DMXL1: variants seen among roughly 807,000 people sequenced by gnomAD.
The protein encoded by DMXL1 is dmX-like protein 1.
DMXL1 carries 99 observed loss-of-function variants against 319.2 expected under a neutral mutation model. The ratio of observed to expected loss-of-function variants is 0.31; its 90% CI spans 0.26 to 0.37. DMXL1 has a LOEUF of 0.37. DMXL1 is among the 10% of genes least tolerant of loss of function. The pLI, the probability that DMXL1 is intolerant of heterozygous loss-of-function variation, is 1.00. For synonymous variants in DMXL1, 1,385 were observed against 1,235.2 expected, an observed-to-expected ratio of 1.12 and a Z score of -2.54; for missense variants, 3,745 against 3,595.6, an observed-to-expected ratio of 1.04 and a Z score of -1.06.
intron 37 of DMXL1, among the ~76,000 whole-genome samples, chr5:119,223,877 C>G (rs1014850551): frequency 1.3e-5 from 2 of 152,082 alleles, no homozygotes; most frequent in African/African-American, 4.8e-5. Flanking sequence ...AAACAGAAGT[C>G]ATATGCAGCA....
Position 119,171,064 on chromosome 5 carries a change from A to G in DMXL1, c.6273A>G (p.Glu2091=), listed in dbSNP as rs904213529. ...EELQSAFGRN[E]DEFGLNEDAE... The stretch of plus-strand genomic sequence containing the variant: ...TACAGTCTGCATTTGGCAGAAATGA[A>G]GATGAATTTGGATTAAATGAGGATG... The change falls in exon 24 of 44, where the codon GAA becomes GAG. Residue 2091 remains glutamate (E), a synonymous_variant. Transcript: ENST00000539542. The G allele has an allele frequency of 6.2e-7, 1 of 1,613,798 alleles. No individual in the cohort carries two copies. Among genetic ancestry groups the G allele is most frequent in the East Asian group, 2.2e-5 (1 of 44,878 alleles).
intron 13 of DMXL1, among the ~76,000 whole-genome samples, chr5:119,135,016 A>G (rs1257468399): frequency 2.6e-5 from 4 of 152,184 alleles, no homozygotes; most frequent in African/African-American, 7.2e-5. Flanking sequence ...CTGACTACCA[A>G]TTAATGTATT....
At position 119,171,214 on chromosome 5, in the gene DMXL1, A is replaced by T; in HGVS notation, c.6423A>T (p.Gly2141=). The T allele has an allele frequency of 1.2e-6, 2 of 1,612,942 alleles. No individual in the cohort carries two copies. The highest frequency in any genetic ancestry group is 1.7e-6 in the Non-Finnish European group (2 of 1,179,146). ...RMFLSYCILH[G]SHGGGLASVR... ...TTCTTAGTTACTGCATACTTCATGGATCCCATGGTGGGGGTCTTGCATCTG... is the reference window on the plus strand; with the variant it reads ...TTCTTAGTTACTGCATACTTCATGGTTCCCATGGTGGGGGTCTTGCATCTG... Residue 2141 remains glycine, a synonymous_variant, in exon 24 of 44, where the codon GGA becomes GGT. Coordinates refer to ENST00000539542, the MANE Select transcript of DMXL1 (RefSeq NM_001290321.3).
At chr5:119,072,476 T>G (rs1284877535) in intron 1 of DMXL1, among the ~76,000 whole-genome samples, 1 of 152,202 alleles carries the variant, frequency 6.6e-6, no homozygotes, top group Non-Finnish European at 1.5e-5. Context: ...ACCTCTTTAG[T>G]TGTGATTAAA....
chr5:119,171,674 T>G (rs957010462), intron 24 of DMXL1, 104 bp from the exon 25 acceptor site: 11 of 887,266 alleles, frequency 1.2e-5, no homozygotes, highest in Non-Finnish European at 1.5e-5. Flanking sequence ...TATGCTTTTA[T>G]TTTTTAATTG....
chr5:119,151,861 C>A, intron 18 of DMXL1, 68 bp from the exon 19 acceptor site: 1 of 923,382 alleles, frequency 1.1e-6, no homozygotes, highest in South Asian at 1.4e-5. Flanking sequence ...TGTTATATGC[C>A]TATATTGGGT....
chr5:119,180,078 A>C (rs2150323389), intron 28 of DMXL1, among the ~76,000 whole-genome samples: 1 of 152,304 alleles, frequency 6.6e-6, no homozygotes, highest in South Asian at 2.1e-4. Context: ...GTTGGATTGC[A>C]ATTTGCCAAC....
At chr5:119,175,637 G>A (rs890303332) in intron 26 of DMXL1, among the ~76,000 whole-genome samples, 1 of 152,074 alleles carries the variant, frequency 6.6e-6, no homozygotes, top group African/African-American at 2.4e-5. Context: ...CTTAGGGCCA[G>A]TCTAGTTAGA....
chr5:119,163,587 T>C (rs1229853310), intron 19 of DMXL1, among the ~76,000 whole-genome samples: 1 of 151,954 alleles, frequency 6.6e-6, no homozygotes, highest in African/African-American at 2.4e-5. Flanking sequence ...TGGCTAATTG[T>C]ATGGTTTTGT....
chr5:119,218,738 C>T (rs1043227232), intron 35 of DMXL1, among the ~76,000 whole-genome samples: 22 of 152,316 alleles, frequency 1.4e-4, no homozygotes, highest in Non-Finnish European at 2.5e-4. Flanking sequence ...GGATTACAGG[C>T]GTGAGCCACT....
chr5:119,239,722 G>A (rs1303442355), intron 41 of DMXL1, among the ~76,000 whole-genome samples: 2 of 152,094 alleles, frequency 1.3e-5, no homozygotes, highest in Admixed American at 6.6e-5. Flanking sequence ...TTGGGAGGCC[G>A]AGGTGGGCGG....
At chr5:119,154,868 T>C (rs186837798) in intron 19 of DMXL1, among the ~76,000 whole-genome samples, 1 of 152,342 alleles carries the variant, frequency 6.6e-6, no homozygotes, top group East Asian at 1.9e-4. Context: ...TGTTAGGGGC[T>C]AATGCAGCTG....
intron 27 of DMXL1, 125 bp downstream of exon 27, chr5:119,177,609 A>AACTG: frequency 1.4e-6 from 1 of 715,428 alleles, no homozygotes; most frequent in Non-Finnish European, 2.2e-6. Context: ...ATACCAGTTA[A>AACTG]GTATTCACCA....
Position 119,110,225 on chromosome 5 carries a change from G to C in DMXL1, c.439G>C (p.Glu147Gln). 1 of 1,587,092 alleles carries C rather than the reference G, an allele frequency of 6.3e-7. No individual in the cohort carries two copies. Among genetic ancestry groups the C allele is most frequent in the South Asian group, 1.2e-5 (1 of 85,450 alleles). ...NTNLEKPTED[E>Q]NLNKTDLNFG... ...TAACTTGGAGAAGCCAACTGAAGAT[G>C]AAAATTTAAATAAAACAGATCTTAA... Residue 147 changes from glutamate (E) to glutamine (Q), a missense_variant, in exon 5 of 44, where the codon GAA becomes CAA. Physicochemically the swap from Glu to Gln is conservative, Grantham distance 29. This residue lies in a region of DMXL1 where 2,096 missense variants were observed against 1,985.4 expected (regional missense o/e 1.06). Coordinates refer to ENST00000539542, the MANE Select transcript of DMXL1 (RefSeq NM_001290321.3).
At chr5:119,129,934 C>G (rs992632824) in intron 10 of DMXL1, among the ~76,000 whole-genome samples, 1 of 152,190 alleles carries the variant, frequency 6.6e-6, no homozygotes, top group African/African-American at 2.4e-5. Flanking sequence ...ATATCACTTA[C>G]ACTGTCATTC....
chr5:119,194,391 A>G (rs1026113253), intron 30 of DMXL1, among the ~76,000 whole-genome samples: 7 of 152,232 alleles, frequency 4.6e-5, no homozygotes, highest in Admixed American at 1.3e-4. Flanking sequence ...AATAGGTACT[A>G]TCTTCAAAAA....
intron 4 of DMXL1, among the ~76,000 whole-genome samples, chr5:119,108,187 A>T (rs1291644064): frequency 6.6e-6 from 1 of 152,168 alleles, no homozygotes; most frequent in Non-Finnish European, 1.5e-5. Context: ...ACATAGCAAG[A>T]CCCTGTCTCT....
At position 119,230,604 on chromosome 5, in the gene DMXL1, C is replaced by T. The variant is rs184329265; in HGVS notation, c.8339-2736C>T. ...TCGTTTATAAAAAGGATATCTGGGCCGGGCACAGTGGCTCACGCCTGTAAT... is the reference window on the plus strand; with the variant it reads ...TCGTTTATAAAAAGGATATCTGGGCTGGGCACAGTGGCTCACGCCTGTAAT... On this transcript the variant is annotated intron_variant, in intron 38 of 43. Coordinates refer to ENST00000539542, the MANE Select transcript of DMXL1 (RefSeq NM_001290321.3). 1.2e-4 allele frequency among the ~76,000 whole-genome samples: 18 copies of T among 152,264 alleles called. No homozygotes were observed. The East Asian group carries it at 1.4e-3, about 11-fold the overall frequency.
At chr5:119,102,049 T>C (rs779848177) in intron 3 of DMXL1, 43 bp downstream of exon 3, 119 of 1,289,290 alleles carry the variant, frequency 9.2e-5, no homozygotes, top group Non-Finnish European at 1.2e-4. Flanking sequence ...TGAAATGTTT[T>C]AAGTATTGAA....
Sources: gnomAD v4.1 joint callset for allele counts (sites outside exome capture counted in the v4.1 genomes callset) on GRCh38, gnomAD v4.1.1 for gene constraint, gnomAD v4.1.1 regional missense constraint, MANE v1.5 for transcripts, NCBI Gene and HGNC (gene_info 2026-07-23, HGNC 2026-07-21) for gene names.